The following ST3GAL1 variants were observed in gnomAD, a reference collection of about 807,000 sequenced individuals.
The protein encoded by ST3GAL1 is ST3 beta-galactoside alpha-2,3-sialyltransferase 1, also known as CMP-N-acetylneuraminate-beta-galactosamide-alpha-2,3-sialyltransferase 1.
ST3GAL1 carries 16 observed loss-of-function variants against 34.1 expected under a neutral mutation model. The observed-to-expected ratio is 0.47, with a 90% CI of 0.32 to 0.71. The LOEUF is 0.71. Ranked by LOEUF, ST3GAL1 falls within the 30% of genes least tolerant of loss-of-function variation. ST3GAL1 has a pLI of 0.04. For synonymous variants in ST3GAL1, 191 were observed against 184.7 expected (o/e 1.03, Z -0.28); for missense variants, 353 against 447.4 (o/e 0.79, Z 1.90).
At chr8:133,560,189 C>T (rs1429070847) in intron 1 of ST3GAL1, among the ~76,000 whole-genome samples, 1 of 151,974 alleles carries the variant, frequency 6.6e-6, no homozygotes, top group Non-Finnish European at 1.5e-5. Context: ...GATTTGATCA[C>T]TCTACATTGC....
intron 1 of ST3GAL1, among the ~76,000 whole-genome samples, chr8:133,560,704 G>C (rs34142388): frequency 6.6e-6 from 1 of 152,190 alleles, no homozygotes; most frequent in African/African-American, 2.4e-5. Flanking sequence ...TCCCCACTTA[G>C]CCAGGGATAT....
chr8:133,463,376 C>T, intron 8 of ST3GAL1, 38 bp downstream of exon 8: 3 of 1,611,948 alleles, frequency 1.9e-6, no homozygotes, highest in Non-Finnish European at 2.5e-6. Context: ...GATGAGGAAG[C>T]CTGAACTTAG....
chr8:133,483,063 C>T (rs544573282), intron 3 of ST3GAL1, among the ~76,000 whole-genome samples: 12 of 152,204 alleles, frequency 7.9e-5, no homozygotes, highest in African/African-American at 1.7e-4. Flanking sequence ...TCACGCAGGC[C>T]GGGCATGGTG....
chr8:133,475,939 G>C lies in ST3GAL1; in HGVS notation c.86C>G (p.Ser29Cys). The change falls in exon 5 of 10, where the codon TCC becomes TGC. Residue 29 changes from serine to cysteine, a missense_variant. Transcript: ENST00000522652. The stretch of plus-strand genomic sequence containing the variant: ...CCAGGTGGTGGCCACCATGGTGTGG[G>C]AGTAGTTCAGGAAGAAGGAGGTGAG... ...IFLTSFFLNY[S>C]HTMVATTWFP... 1 of 1,614,010 alleles carries C rather than the reference G, an allele frequency of 6.2e-7. No individual in the cohort carries two copies. The highest frequency in any genetic ancestry group is 1.3e-5 in the African/African-American group (1 of 74,992).
In ST3GAL1 at chr8:133,459,366, C is replaced by T. The variant is rs1013365339; in HGVS notation, c.*398G>A. On this transcript the variant is annotated 3_prime_UTR_variant, in exon 10 of 10. Transcript: ENST00000522652. The surrounding 1 kb of genome is among the most constrained non-coding windows in gnomAD (Gnocchi z 4.7). ...GGCACGTCTCTGTGCTGGAGGTAAT[C>T]GCCACTCAAGTCTCTGCCCATCTTC... The T allele has an allele frequency of 1.2e-4, 20 of 162,624 alleles. No homozygotes were observed. Among genetic ancestry groups the T allele is most frequent in the African/African-American group, 4.1e-4 (17 of 41,894 alleles). 10.1% of individuals were successfully genotyped at this position (162,624 alleles called of 1,614,324 possible).
At chr8:133,550,669 C>T (rs1818812625) in intron 1 of ST3GAL1, among the ~76,000 whole-genome samples, 1 of 152,184 alleles carries the variant, frequency 6.6e-6, no homozygotes, top group Non-Finnish European at 1.5e-5. Flanking sequence ...AACCAAGAGA[C>T]TCGGAAGCAA....
intron 1 of ST3GAL1, among the ~76,000 whole-genome samples, chr8:133,560,286 A>G (rs1819180124): frequency 6.6e-6 from 1 of 152,138 alleles, no homozygotes; most frequent in Non-Finnish European, 1.5e-5. Context: ...CTGAAATACC[A>G]TCACTTCCAT....
At position 133,459,649 on chromosome 8, in the gene ST3GAL1, C is replaced by G; in HGVS notation, c.*115G>C. The stretch of plus-strand genomic sequence containing the variant: ...GGTGCAAGAGGCTGTGAGCGGTGCC[C>G]AGGCACACACCTGAGGCTGCCCCTC... On this transcript the variant is annotated 3_prime_UTR_variant, in exon 10 of 10. Coordinates refer to ENST00000522652, the MANE Select transcript of ST3GAL1 (RefSeq NM_173344.3). This position sits in a 1 kb window ranked among gnomAD's most constrained non-coding sequence, Gnocchi z 4.7. 2.2e-6 allele frequency: 3 copies of G among 1,361,524 alleles called. No individual in the cohort carries two copies. In the South Asian group the frequency reaches 4.3e-5, roughly 19 times the overall value. 84.3% of individuals were successfully genotyped at this position (1,361,524 alleles called of 1,614,324 possible).
At chr8:133,510,792 T>C (rs890263592) in intron 2 of ST3GAL1, among the ~76,000 whole-genome samples, 1 of 152,222 alleles carries the variant, frequency 6.6e-6, no homozygotes, top group Non-Finnish European at 1.5e-5. Context: ...CAGCGTCATG[T>C]TGCCTGGACC....
Position 133,541,086 on chromosome 8 carries a change from T to A in ST3GAL1, c.-429+4688A>T, listed in dbSNP as rs1563734541. On this transcript the variant is annotated intron_variant, in intron 2 of 9. Transcript: ENST00000522652. ...ATATATAGACATATATATAGACATATATATATAAACATATATATATATATA... is the reference window on the plus strand; with the variant it reads ...ATATATAGACATATATATAGACATAAATATATAAACATATATATATATATA... 1.2e-3 allele frequency among the ~76,000 whole-genome samples: 124 copies of A among 101,514 alleles called. 11 individuals carry two copies. The highest frequency in any genetic ancestry group is 1.6e-3 in the Non-Finnish European group (86 of 52,210). 66.6% of individuals were successfully genotyped at this position (101,514 alleles called of 152,430 possible).
At position 133,469,446 on chromosome 8, in the gene ST3GAL1, T is replaced by C. The variant is rs1279010037; in HGVS notation, c.307-3356A>G. 6.6e-6 allele frequency among the ~76,000 whole-genome samples: 1 copy of C among 152,150 alleles called. No individual in the cohort carries two copies. Among genetic ancestry groups the C allele is most frequent in the African/African-American group, 2.4e-5 (1 of 41,432 alleles). On this transcript the variant is annotated intron_variant, in intron 5 of 9. Transcript: ENST00000522652. This position sits in a 1 kb window ranked among gnomAD's most constrained non-coding sequence, Gnocchi z 4.3. ...GTTGGCCAGGCTGGTCTCGAACTCC[T>C]GACCTCAGGTGATGAACCCGCCTCA...
At chr8:133,499,663 C>A (rs149427068) in intron 2 of ST3GAL1, among the ~76,000 whole-genome samples, 1 of 152,290 alleles carries the variant, frequency 6.6e-6, no homozygotes, top group Non-Finnish European at 1.5e-5. Context: ...GTGTGCCTGG[C>A]ACTGGGTTAA....
At chr8:133,521,580 A>C (rs1817811253) in intron 2 of ST3GAL1, among the ~76,000 whole-genome samples, 1 of 152,226 alleles carries the variant, frequency 6.6e-6, no homozygotes, top group Non-Finnish European at 1.5e-5. Context: ...TACAGGCGTG[A>C]AACACCGCCC....
chr8:133,534,899 A>C (rs1428757558), intron 2 of ST3GAL1, among the ~76,000 whole-genome samples: 1 of 152,210 alleles, frequency 6.6e-6, no homozygotes, highest in Non-Finnish European at 1.5e-5. Flanking sequence ...CTGTGAGTCC[A>C]ATGAAGAATA....
chr8:133,537,641 G>A lies in ST3GAL1; in HGVS notation c.-429+8133C>T, dbSNP rs115685672. Among the ~76,000 whole-genome samples the A allele has an allele frequency of 9.4e-3, 1,433 of 152,288 alleles. 7 individuals are homozygous for A. Among genetic ancestry groups the A allele is most frequent in the African/African-American group, 0.015 (628 of 41,556 alleles). ...GGGGTGCCAGGCTTGCAGAACGCCA[G>A]GCCCATTCTCTGGAACCCTCTACAG... On this transcript the variant is annotated intron_variant, in intron 2 of 9. Transcript: ENST00000522652.
At chr8:133,500,457 C>T (rs761884128) in intron 2 of ST3GAL1, among the ~76,000 whole-genome samples, 42 of 152,182 alleles carry the variant, frequency 2.8e-4, no homozygotes, top group African/African-American at 8.9e-4. Flanking sequence ...CTGCTCTTTG[C>T]GTCCTTTTCC....
intron 3 of ST3GAL1, 57 bp downstream of exon 3, chr8:133,499,078 G>C (rs1451364836): frequency 6.6e-6 from 1 of 152,274 alleles, no homozygotes; most frequent in African/African-American, 2.4e-5. Flanking sequence ...AGGCAATTTA[G>C]AGCACAGGTT....
intron 1 of ST3GAL1, among the ~76,000 whole-genome samples, chr8:133,569,598 G>T (rs972343163): frequency 1.3e-5 from 2 of 152,180 alleles, no homozygotes; most frequent in African/African-American, 4.8e-5. Flanking sequence ...ATTGGCAGAG[G>T]CTGAGGGGCA....
At chr8:133,488,868 A>AT (rs1554613659) in intron 3 of ST3GAL1, among the ~76,000 whole-genome samples, 289 of 152,080 alleles carry the variant, frequency 1.9e-3, no homozygotes, top group Admixed American at 4.2e-3. Flanking sequence ...ACTGGCAGAC[A>AT]GGGGGGGCCA....
Sources: allele counts gnomAD v4.1 joint callset (sites outside exome capture counted in the v4.1 genomes callset), GRCh38; gene constraint gnomAD v4.1.1; non-coding constraint Gnocchi (gnomAD v3.1); transcripts MANE v1.5; gene names NCBI Gene and HGNC (gene_info 2026-07-23, HGNC 2026-07-21).